AKNAD1: variants seen among roughly 807,000 people sequenced by gnomAD.
The protein encoded by AKNAD1 is AKNA domain containing 1, also known as protein AKNAD1.
Under a neutral mutation model 90.8 loss-of-function variants are expected in AKNAD1, and 67 were observed. The ratio of observed to expected loss-of-function variants is 0.74; its 90% CI spans 0.61 to 0.90. The LOEUF (loss-of-function observed/expected upper bound fraction) is 0.90, where lower values mean the gene tolerates loss of function less well. AKNAD1 is among the 40% of genes least tolerant of loss of function. AKNAD1 has a pLI of 0.00. For missense variants in AKNAD1, 957 were observed against 975.4 expected (o/e 0.98, Z 0.25); for synonymous variants, 327 against 341.4 (o/e 0.96, Z 0.46).
Position 108,820,526 on chromosome 1 carries a change from A to G in AKNAD1, c.2249+19T>C. The G allele has an allele frequency of 6.6e-7, 1 of 1,514,332 alleles. No individual in the cohort carries two copies. The highest frequency in any genetic ancestry group is 2.3e-5 in the East Asian group (1 of 44,216). The allele number at this position is 1,514,332 out of a possible 1,614,324, so 93.8% of individuals were successfully genotyped here. A position where few individuals can be genotyped will look rare whatever the true frequency, so the allele number is the denominator to read the frequency against. On this transcript the variant is annotated intron_variant, in intron 14 of 15. Transcript: ENST00000370001. Reference sequence around the variant, plus strand: ...ACCAATGAGAAATATTTTGTTACTGATAATGAAATAATACTTACTTTCCTG... The same window carrying G: ...ACCAATGAGAAATATTTTGTTACTGGTAATGAAATAATACTTACTTTCCTG...
At chr1:108,825,788 A>G (rs1169371625) in intron 11 of AKNAD1, among the ~76,000 whole-genome samples, 1 of 151,788 alleles carries the variant, frequency 6.6e-6, no homozygotes, top group Non-Finnish European at 1.5e-5. Context: ...GAGAGGTTTA[A>G]AAGATAATTT....
rs1270095897 is a variant in AKNAD1, at chr1:108,852,629, A to T, written c.36T>A (p.Tyr12Ter). 1 of 1,600,352 alleles carries T rather than the reference A, an allele frequency of 6.2e-7. No individual in the cohort carries two copies. Among genetic ancestry groups the T allele is most frequent in the East Asian group, 2.2e-5 (1 of 44,808 alleles). ...DEADFSEHTT[Y>*]KQEDLPYDGD... ...CATCATAAGGCAAATCCTCCTGCTT[A>T]TAAGTCGTGTGTTCTGAAAAATCAG... The change falls in exon 2 of 16, where the codon TAT becomes TAA. Residue 12 changes from tyrosine to a stop codon, truncating the protein, a stop_gained. Coordinates refer to ENST00000370001, the MANE Select transcript of AKNAD1 (RefSeq NM_152763.5). LOFTEE classifies it high-confidence loss of function.
chr1:108,826,736 C>CTTTTTTTTTTTTTTTTTT (rs1450499628), intron 11 of AKNAD1, among the ~76,000 whole-genome samples: 4 of 114,796 alleles, frequency 3.5e-5, no homozygotes, highest in African/African-American at 3.8e-5. Context: ...CTTTTCTTTT[C>CTTTTTTTTTTTTTTTTTT]TTTTTCTTTT....
At chr1:108,823,296 G>T (rs1182041791) in intron 13 of AKNAD1, 74 bp downstream of exon 13, 1 of 1,186,558 alleles carries the variant, frequency 8.4e-7, no homozygotes. Flanking sequence ...GCAGTGGCCA[G>T]TGTCATGTGA....
At position 108,832,090 on chromosome 1, in the gene AKNAD1, G is replaced by A. The variant is rs375884079; in HGVS notation, c.1747-1440C>T. Among the ~76,000 whole-genome samples, 63 of 152,066 alleles carry A rather than the reference G, an allele frequency of 4.1e-4. No individual in the cohort carries two copies. In the South Asian group the frequency reaches 0.011, roughly 26 times the overall value. ...CTTCCAACCATCCTGGCACGTTGTC[G>A]CCATTTTAATGGTGAGTGATCTGAG... On this transcript the variant is annotated intron_variant, in intron 9 of 15. Transcript: ENST00000370001.
intron 1 of AKNAD1, among the ~76,000 whole-genome samples, chr1:108,853,427 G>A (rs957221924): frequency 5.9e-4 from 88 of 150,048 alleles, no homozygotes; most frequent in African/African-American, 2.0e-3. Context: ...CACCGCGCCC[G>A]GCCTGATTTT....
chr1:108,841,042 A>C (rs1273898880), intron 6 of AKNAD1, among the ~76,000 whole-genome samples: 1 of 152,076 alleles, frequency 6.6e-6, no homozygotes. Context: ...GCATGGTGGC[A>C]TGCACCTTTA....
At chr1:108,847,898 A>T (rs891192758) in intron 5 of AKNAD1, among the ~76,000 whole-genome samples, 2 of 152,206 alleles carry the variant, frequency 1.3e-5, no homozygotes, top group East Asian at 3.8e-4. Flanking sequence ...TGGAAAAGGA[A>T]TTGTTTATTC....
rs17621411 is a variant in AKNAD1 at position 108,852,354 on chromosome 1, G to A, written c.311C>T (p.Ala104Val). 0.021 allele frequency: 34,381 copies of A among 1,614,062 alleles called. 435 individuals carry two copies. Among genetic ancestry groups the A allele is most frequent in the Non-Finnish European group, 0.026 (30,459 of 1,179,984 alleles). The stretch of plus-strand genomic sequence containing the variant: ...AATATCAGAAATGCTTGACTTAGAA[G>A]CGTCTCCTTCATTTGCTGGAATATG... ...ALHIPANEGD[A>V]SKSSISDILL... The change falls in exon 2 of 16, where the codon GCT (alanine) becomes GTT (valine). Residue 104 changes from alanine (A) to valine (V), a missense_variant. By Grantham distance (64) the Ala-to-Val change is moderately conservative. Transcript: ENST00000370001.
Position 108,837,711 on chromosome 1 carries a change from G to A in AKNAD1, c.1380-5C>T. 1 of 1,613,998 alleles carries A rather than the reference G, an allele frequency of 6.2e-7. No individual in the cohort carries two copies. Among genetic ancestry groups the A allele is most frequent in the Non-Finnish European group, 8.5e-7 (1 of 1,179,956 alleles). Reference sequence around the variant, plus strand: ...AAGATTTCACCTTCCACTTTTCTAAGTAAACATAAACACACAGGCATCTTC... The same window carrying A: ...AAGATTTCACCTTCCACTTTTCTAAATAAACATAAACACACAGGCATCTTC... On this transcript the variant is annotated splice_polypyrimidine_tract_variant and splice_region_variant and intron_variant, in intron 6 of 15. Coordinates refer to ENST00000370001, the MANE Select transcript of AKNAD1 (RefSeq NM_152763.5).
intron 8 of AKNAD1, 138 bp from the exon 9 acceptor site, chr1:108,834,666 C>A: frequency 1.1e-6 from 1 of 917,358 alleles, no homozygotes; most frequent in Non-Finnish European, 1.6e-6. Context: ...GTGCTATGGG[C>A]CTCATGCGGC....
chr1:108,839,519 ACGTTAGTATATT>A (rs1173787508), intron 6 of AKNAD1, among the ~76,000 whole-genome samples: 1 of 150,100 alleles, frequency 6.7e-6, no homozygotes, highest in Non-Finnish European at 1.5e-5. Flanking sequence ...CTGTGGTTCA[ACGTTAGTATATT>A]TATTAACATA....
intron 7 of AKNAD1, among the ~76,000 whole-genome samples, chr1:108,836,446 G>C (rs988748478): frequency 2.0e-5 from 3 of 151,846 alleles, no homozygotes; most frequent in African/African-American, 7.3e-5. Flanking sequence ...GGACACAGAG[G>C]CCGGGGCCAA....
intron 5 of AKNAD1, among the ~76,000 whole-genome samples, chr1:108,846,399 C>T (rs7542337): frequency 0.26 from 40,037 of 152,034 alleles, 6,187 homozygotes; most frequent in African/African-American, 0.43. Flanking sequence ...CTTTAAAATT[C>T]TGTGTTCTTC....
At chr1:108,838,327 C>G (rs1011269673) in intron 6 of AKNAD1, among the ~76,000 whole-genome samples, 4 of 149,050 alleles carry the variant, frequency 2.7e-5, no homozygotes, top group African/African-American at 7.7e-5. Context: ...TAGCCCCCCC[C>G]CCAAAAAAAA....
intron 5 of AKNAD1, among the ~76,000 whole-genome samples, chr1:108,846,854 C>G (rs567281844): frequency 2.4e-4 from 37 of 152,164 alleles, no homozygotes; most frequent in African/African-American, 8.4e-4. Context: ...CCAAACTCAA[C>G]TTGACGTCTT....
chr1:108,831,290 T>C (rs1401014196), intron 9 of AKNAD1, among the ~76,000 whole-genome samples: 1 of 152,226 alleles, frequency 6.6e-6, no homozygotes, highest in Admixed American at 6.5e-5. Flanking sequence ...ATAAATGTAC[T>C]TTTCCCATCA....
chr1:108,843,169 G>C lies in AKNAD1; in HGVS notation c.1344C>G (p.His448Gln), dbSNP rs570560533. The C allele has an allele frequency of 6.2e-7, 1 of 1,614,102 alleles. No individual in the cohort carries two copies. Among genetic ancestry groups the C allele is most frequent in the South Asian group, 1.1e-5 (1 of 91,058 alleles). Residue 448 changes from histidine (H) to glutamine (Q), a missense_variant, in exon 6 of 16, where the codon CAC (histidine) becomes CAG (glutamine). Coordinates refer to ENST00000370001, the MANE Select transcript of AKNAD1 (RefSeq NM_152763.5). ...CAAAGTCACCAACGATTGTTGATTC[G>C]TGCTTGTGGACTTGCTGCTGCAAAG... Reference protein sequence around the residue: ...HLTLQQQVHKHESTIVGDFDP... With the variant: ...HLTLQQQVHKQESTIVGDFDP...
In AKNAD1 at chr1:108,852,560, G is replaced by A. The variant is rs375094485; in HGVS notation, c.105C>T (p.Thr35=). The A allele has an allele frequency of 2.1e-5, 34 of 1,613,890 alleles. No individual in the cohort carries two copies. The highest frequency in any genetic ancestry group is 2.8e-5 in the Non-Finnish European group (33 of 1,179,962). ...QIKIGNDYSF[T]SKKDGLEVLN... is the part of the protein sequence containing the mutation. ...AGACTTCAAGGCCATCCTTTTTTGA[G>A]GTAAAACTGTAATCATTGCCTATCT... The change falls in exon 2 of 16, where the codon ACC becomes ACT. Residue 35 remains threonine (T), a synonymous_variant. Transcript: ENST00000370001.
Sources: allele counts gnomAD v4.1 joint callset (sites outside exome capture counted in the v4.1 genomes callset), GRCh38; gene constraint gnomAD v4.1.1; transcripts MANE v1.5; gene names NCBI Gene and HGNC (gene_info 2026-07-23, HGNC 2026-07-21).